SCGN: variants seen among roughly 807,000 people sequenced by gnomAD.
SCGN encodes secretagogin, EF-hand calcium binding protein, also known as secretagogin.
SCGN carries 30 observed loss-of-function variants against 39.7 expected under a neutral mutation model. The observed-to-expected ratio is 0.76, with a 90% CI of 0.57 to 1.03. The LOEUF (loss-of-function observed/expected upper bound fraction) is 1.03. SCGN is among the 50% of genes least tolerant of loss of function. The probability of loss-of-function intolerance (pLI) is 0.00; values close to 1 mark genes in which losing one functional copy is unlikely to be tolerated. For missense variants in SCGN, 353 were observed against 349.4 expected (o/e 1.01, Z -0.08); for synonymous variants, 106 against 114.1 (o/e 0.93, Z 0.45).
chr6:25,699,956 G>A (rs1759888561), intron 10 of SCGN, among the ~76,000 whole-genome samples: 1 of 152,012 alleles, frequency 6.6e-6, no homozygotes. Context: ...TTTAAATTTA[G>A]GGCCAGTGGC....
intron 6 of SCGN, among the ~76,000 whole-genome samples, chr6:25,681,192 A>C (rs1759633254): frequency 6.6e-6 from 1 of 152,204 alleles, no homozygotes; most frequent in South Asian, 2.1e-4. Context: ...TAATAATGTA[A>C]ACAACTTCTT....
chr6:25,690,981 T>C, intron 9 of SCGN, 75 bp from the exon 10 acceptor site: 1 of 1,143,398 alleles, frequency 8.7e-7, no homozygotes. Context: ...TGATACGGTT[T>C]ATTTACCTAA....
At chr6:25,679,430 A>G (rs62393719) in intron 6 of SCGN, among the ~76,000 whole-genome samples, 11,032 of 152,204 alleles carry the variant, frequency 0.072, 677 homozygotes, top group African/African-American at 0.16. Flanking sequence ...TCATCATTCC[A>G]GCCAGGGTAA....
intron 2 of SCGN, among the ~76,000 whole-genome samples, chr6:25,655,184 G>A (rs1760205806): frequency 6.6e-6 from 1 of 152,214 alleles, no homozygotes; most frequent in African/African-American, 2.4e-5. Context: ...TGGAATAAAT[G>A]GGATGGCCAG....
chr6:25,678,290 C>A (rs1759591250), intron 6 of SCGN, among the ~76,000 whole-genome samples: 1 of 152,112 alleles, frequency 6.6e-6, no homozygotes, highest in Non-Finnish European at 1.5e-5. Flanking sequence ...AAGGCATGCC[C>A]CCTACCACCG....
chr6:25,688,850 G>GC (rs1193458502), intron 7 of SCGN, among the ~76,000 whole-genome samples: 2 of 149,884 alleles, frequency 1.3e-5, no homozygotes, highest in Non-Finnish European at 3.0e-5. Flanking sequence ...CCAGATTGCT[G>GC]CAAGACTTTA....
intron 10 of SCGN, among the ~76,000 whole-genome samples, chr6:25,695,840 T>A (rs1428674026): frequency 3.3e-5 from 5 of 152,178 alleles, no homozygotes; most frequent in Non-Finnish European, 7.4e-5. Flanking sequence ...CTACAAAACT[T>A]TTTAACAGCC....
At chr6:25,652,524 G>T in intron 1 of SCGN, 39 bp downstream of exon 1, 1 of 1,590,628 alleles carries the variant, frequency 6.3e-7, no homozygotes. Flanking sequence ...AGGTGTAGAC[G>T]TGGCTCCAAG....
At chr6:25,661,699 T>C (rs1480621609) in intron 3 of SCGN, 55 bp downstream of exon 3, 4 of 1,194,764 alleles carry the variant, frequency 3.3e-6, no homozygotes, top group Middle Eastern at 1.9e-4. Context: ...TGTTTTTTTC[T>C]TTACTTTATC....
At chr6:25,678,093 G>A (rs955185109) in intron 6 of SCGN, among the ~76,000 whole-genome samples, 3 of 152,194 alleles carry the variant, frequency 2.0e-5, no homozygotes, top group Non-Finnish European at 4.4e-5. Context: ...AGAATTTTAA[G>A]GCATTTGTTA....
Position 25,665,043 on chromosome 6 carries a change from G to A in SCGN, c.336+11G>A. The A allele has an allele frequency of 6.2e-7, 1 of 1,605,212 alleles. No individual in the cohort carries two copies. The highest frequency in any genetic ancestry group is 1.1e-5 in the South Asian group (1 of 90,738). ...GTGGAGTTTATGCAGGTGAGTGCTT[G>A]GTTGTGTCTCTGTGAAGAAAGAGGA... On this transcript the variant is annotated intron_variant, in intron 4 of 10. Coordinates refer to ENST00000377961, the MANE Select transcript of SCGN (RefSeq NM_006998.4).
intron 10 of SCGN, among the ~76,000 whole-genome samples, chr6:25,698,849 C>T (rs1414910070): frequency 6.6e-6 from 1 of 152,148 alleles, no homozygotes; most frequent in African/African-American, 2.4e-5. Context: ...GTTTATTTTT[C>T]CTGCTCTGCC....
intron 9 of SCGN, among the ~76,000 whole-genome samples, chr6:25,690,610 A>T (rs1759763034): frequency 6.6e-6 from 1 of 152,304 alleles, no homozygotes; most frequent in East Asian, 1.9e-4. Flanking sequence ...TGATAATTCT[A>T]ACATGTTCAT....
At position 25,701,482 on chromosome 6, in the gene SCGN, C is replaced by A; in HGVS notation, c.*147C>A. The stretch of plus-strand genomic sequence containing the variant: ...CAAGAACAGGGACGCTAGGGCCTTC[C>A]TTCCACCGGCGTGATCTATCCCTGT... On this transcript the variant is annotated 3_prime_UTR_variant, in exon 11 of 11. Coordinates refer to ENST00000377961, the MANE Select transcript of SCGN (RefSeq NM_006998.4). 1.1e-6 allele frequency: 1 copy of A among 934,656 alleles called. No individual in the cohort carries two copies. Among genetic ancestry groups the A allele is most frequent in the Non-Finnish European group, 1.6e-6 (1 of 627,436 alleles). The allele number at this position is 934,656 out of a possible 1,614,324, so 57.9% of individuals were successfully genotyped here.
chr6:25,700,120 CT>C (rs1400794824), intron 10 of SCGN, among the ~76,000 whole-genome samples: 2 of 151,378 alleles, frequency 1.3e-5, no homozygotes, highest in Non-Finnish European at 2.9e-5. Flanking sequence ...TGGCGGGTGA[CT>C]GTAAGCCCAG....
chr6:25,665,175 T>C (rs1414431979), intron 4 of SCGN, 143 bp downstream of exon 4: 7 of 613,092 alleles, frequency 1.1e-5, no homozygotes, highest in Non-Finnish European at 2.8e-6. Context: ...AAAAATGCCT[T>C]AGTGATGAGG....
At chr6:25,665,862 A>AT (rs1162782331) in intron 4 of SCGN, among the ~76,000 whole-genome samples, 1 of 152,216 alleles carries the variant, frequency 6.6e-6, no homozygotes, top group African/African-American at 2.4e-5. Context: ...AATGGCAAAG[A>AT]TTTTAAGAAA....
At chr6:25,670,653 A>G (rs896912249) in intron 6 of SCGN, among the ~76,000 whole-genome samples, 1 of 152,238 alleles carries the variant, frequency 6.6e-6, no homozygotes, top group Non-Finnish European at 1.5e-5. Flanking sequence ...AAGCACTTGC[A>G]TACTGTCCAG....
At position 25,689,150 on chromosome 6, in the gene SCGN, A is replaced by AT. The variant is rs11327870; in HGVS notation, c.528-9dup. On this transcript the variant is annotated intron_variant, in intron 7 of 10. Transcript: ENST00000377961. The stretch of plus-strand genomic sequence containing the variant: ...TGAGAGCTGAACGATCCTTACGTGG[A>AT]TTTTTTTTTTTTTCTATTTAGGATT... The AT allele has an allele frequency of 6.7e-3, 8,421 of 1,254,210 alleles. 1 individual carries two copies. The highest frequency in any genetic ancestry group is 0.012 in the East Asian group (421 of 36,110). 77.7% of individuals were successfully genotyped at this position (1,254,210 alleles called of 1,614,324 possible). A position where few individuals can be genotyped will look rare whatever the true frequency, so the allele number is the denominator to read the frequency against.
Sources: gnomAD v4.1 joint callset for allele counts (sites outside exome capture counted in the v4.1 genomes callset) on GRCh38, gnomAD v4.1.1 for gene constraint, MANE v1.5 for transcripts, NCBI Gene and HGNC (gene_info 2026-07-23, HGNC 2026-07-21) for gene names.